TLR8: variants seen among roughly 807,000 people sequenced by gnomAD.
The protein encoded by TLR8 is toll-like receptor 8.
TLR8 carries 5 observed loss-of-function variants against 18.5 expected under a neutral mutation model. The ratio of observed to expected loss-of-function variants is 0.27; its 90% confidence interval spans 0.14 to 0.57. The LOEUF is 0.57. Among genes scored for constraint, TLR8 ranks in the 20% least tolerant of loss-of-function variants. TLR8 has a pLI of 0.92. For missense variants in TLR8, 543 were observed against 769.8 expected, an observed-to-expected ratio of 0.71 and a Z score of 3.49; for synonymous variants, 299 against 300.1, an observed-to-expected ratio of 1.00 and a Z score of 0.04.
chrX:12,912,504 T>A (rs751572253), intron 1 of TLR8, among the ~76,000 whole-genome samples: 11 of 113,564 alleles, frequency 9.7e-5, no homozygotes, highest in Non-Finnish European at 1.5e-4. Flanking sequence ...CCCTGCAAAG[T>A]GAGCATTAGC....
intron 1 of TLR8, chrX:12,910,533 T>C: frequency 1.0e-6 from 1 of 991,147 alleles, no homozygotes; most frequent in South Asian, 2.2e-5. Context: ...TAGTCTCACA[T>C]GGCAGCGTCC....
At position 12,921,828 on chromosome X, in the gene TLR8, G is replaced by A. The variant is rs753352631; in HGVS notation, c.2788G>A (p.Asp930Asn). Reference sequence around the variant, plus strand: ...TTGGGACCCGGGATTGGCCATCATCGACAACCTCATGCAGAGCATCAACCA... The same window carrying A: ...TTGGGACCCGGGATTGGCCATCATCAACAACCTCATGCAGAGCATCAACCA... Reference protein sequence around the residue: ...RDWDPGLAIIDNLMQSINQSK... With the variant: ...RDWDPGLAIINNLMQSINQSK... Residue 930 changes from aspartate (D) to asparagine (N), a missense_variant, in exon 2 of 2, where the codon GAC becomes AAC. Around this residue, in one of 4 missense-constraint regions of TLR8, gnomAD observed 227 missense variants for 312.9 expected, o/e 0.73. Transcript: ENST00000218032. The A allele has an allele frequency of 5.0e-6, 6 of 1,211,644 alleles. No homozygotes were observed. Among genetic ancestry groups the A allele is most frequent in the Non-Finnish European group, 5.6e-6 (5 of 895,416 alleles).
Position 12,919,530 on chromosome X carries a change from G to C in TLR8, c.490G>C (p.Glu164Gln). 1 of 1,206,538 alleles carries C rather than the reference G, an allele frequency of 8.3e-7. No homozygotes were observed. Among genetic ancestry groups the C allele is most frequent in the Non-Finnish European group, 1.1e-6 (1 of 893,786 alleles). The change falls in exon 2 of 2, where the codon GAG (glutamate) becomes CAG (glutamine). Residue 164 changes from glutamate (E) to glutamine (Q), a missense_variant. Physicochemically the swap from Glu to Gln is conservative, Grantham distance 29. Coordinates refer to ENST00000218032, the MANE Select transcript of TLR8 (RefSeq NM_138636.5). ...IQNNIYNITKEGISRLINLKN... is the reference protein window; with the variant it reads ...IQNNIYNITKQGISRLINLKN... ...AAACAATATATACAACATAACTAAA[G>C]AGGGCATTTCAAGACTTATAAACTT...
At chrX:12,907,623 T>A (rs1246767663) in intron 1 of TLR8, among the ~76,000 whole-genome samples, 2 of 111,066 alleles carry the variant, frequency 1.8e-5, no homozygotes, top group Non-Finnish European at 3.8e-5. Flanking sequence ...GCCTCCCGGG[T>A]TCAAGCGATT....
At position 12,920,596 on chromosome X, in the gene TLR8, A is replaced by T. The variant is rs1239428072; in HGVS notation, c.1556A>T (p.Gln519Leu). Reference sequence around the variant, plus strand: ...AATCTGTCTGCAAATAGCAATGCTCAAGTGTTAAGTGGAACTGAATTTTCA... The same window carrying T: ...AATCTGTCTGCAAATAGCAATGCTCTAGTGTTAAGTGGAACTGAATTTTCA... ...CLNLSANSNAQVLSGTEFSAI... is the reference protein window; with the variant it reads ...CLNLSANSNALVLSGTEFSAI... The change falls in exon 2 of 2, where the codon CAA (glutamine) becomes CTA (leucine). Residue 519 changes from glutamine (Q) to leucine (L), a missense_variant. By Grantham distance (113) the Gln-to-Leu change is moderately radical. This residue lies in a region of TLR8 where 185 missense variants were observed against 298.9 expected (regional missense o/e 0.62). Transcript: ENST00000218032. The T allele has an allele frequency of 8.3e-7, 1 of 1,209,222 alleles. No individual in the cohort carries two copies. The highest frequency in any genetic ancestry group is 1.1e-6 in the Non-Finnish European group (1 of 894,725).
intron 1 of TLR8, among the ~76,000 whole-genome samples, chrX:12,911,111 G>A (rs1292095321): frequency 9.0e-6 from 1 of 111,356 alleles, no homozygotes; most frequent in Non-Finnish European, 1.9e-5. Flanking sequence ...CCAGGCAAAG[G>A]CCTTTTTTCT....
intron 1 of TLR8, 137 bp from the exon 2 acceptor site, chrX:12,918,907 T>C: frequency 1.5e-6 from 1 of 687,069 alleles, no homozygotes; most frequent in Non-Finnish European, 2.2e-6. Context: ...CCTAATCTGA[T>C]GCAATTTATT....
intron 1 of TLR8, among the ~76,000 whole-genome samples, chrX:12,909,865 G>GT (rs1344853894): frequency 5.4e-5 from 6 of 111,705 alleles, no homozygotes; most frequent in Non-Finnish European, 1.1e-4. Flanking sequence ...GGGTTTTTTT[G>GT]TTTTTGTTTT....
At chrX:12,915,321 C>A (rs903662959) in intron 1 of TLR8, among the ~76,000 whole-genome samples, 4 of 111,248 alleles carry the variant, frequency 3.6e-5, no homozygotes, top group African/African-American at 1.3e-4. Context: ...AGCCACCATG[C>A]CCCGCTATTT....
chrX:12,916,497 A>G (rs1284649440), intron 1 of TLR8, among the ~76,000 whole-genome samples: 1 of 111,867 alleles, frequency 8.9e-6, no homozygotes, highest in East Asian at 2.8e-4. Flanking sequence ...TGCATGTCTG[A>G]GCCCCGTTGC....
intron 1 of TLR8, among the ~76,000 whole-genome samples, chrX:12,911,014 C>G (rs1377421588): frequency 1.8e-5 from 2 of 108,569 alleles, no homozygotes. Flanking sequence ...TCACTGGGTG[C>G]TCTAAGACAA....
At chrX:12,906,783 T>G in intron 1 of TLR8, 74 bp downstream of exon 1, 1 of 940,024 alleles carries the variant, frequency 1.1e-6, no homozygotes, top group Non-Finnish European at 1.4e-6. Flanking sequence ...TCTGGGTTGG[T>G]GGCAAATGGT....
intron 1 of TLR8, among the ~76,000 whole-genome samples, chrX:12,910,858 T>C (rs1035929080): frequency 8.9e-5 from 10 of 112,191 alleles, no homozygotes; most frequent in African/African-American, 3.2e-4. Flanking sequence ...GGACAAATGA[T>C]GTATGGAAAA....
At chrX:12,911,599 G>A (rs2043021378) in intron 1 of TLR8, among the ~76,000 whole-genome samples, 1 of 111,996 alleles carries the variant, frequency 8.9e-6, no homozygotes, top group Non-Finnish European at 1.9e-5. Flanking sequence ...AGGTACCAGG[G>A]GTTAGAACTT....
intron 1 of TLR8, among the ~76,000 whole-genome samples, chrX:12,907,610 T>C (rs1317448269): frequency 8.9e-6 from 1 of 111,762 alleles, no homozygotes; most frequent in Non-Finnish European, 1.9e-5. Flanking sequence ...CACTGCAACC[T>C]CCGCCTCCCG....
rs140193180 is a variant in TLR8 at position 12,921,428 on chromosome X, C to T, written c.2388C>T (p.Pro796=). 5.0e-6 allele frequency: 6 copies of T among 1,210,370 alleles called. No homozygotes were observed. The African/African-American group carries it at 1.0e-4, about 21-fold the overall frequency. Residue 796 remains proline, a synonymous_variant, in exon 2 of 2, where the codon CCC becomes CCT. Coordinates refer to ENST00000218032, the MANE Select transcript of TLR8 (RefSeq NM_138636.5). ...ATGAACATCTGAATGTCAAAATTCCCAGACTGGTAGATGTCATTTGTGCCA... is the reference window on the plus strand; with the variant it reads ...ATGAACATCTGAATGTCAAAATTCCTAGACTGGTAGATGTCATTTGTGCCA... ...WMDEHLNVKI[P]RLVDVICASP... is the part of the protein sequence containing the mutation.
intron 1 of TLR8, among the ~76,000 whole-genome samples, chrX:12,912,987 C>T (rs1342120727): frequency 8.9e-6 from 1 of 112,033 alleles, no homozygotes; most frequent in Non-Finnish European, 1.9e-5. Context: ...TCCTCTGGAC[C>T]CGCCCAAGTG....
At chrX:12,909,082 C>A (rs1253587294) in intron 1 of TLR8, among the ~76,000 whole-genome samples, 1 of 111,196 alleles carries the variant, frequency 9.0e-6, no homozygotes, top group South Asian at 3.8e-4. Context: ...TTGAGGGGAA[C>A]GTCATTCCAA....
At chrX:12,912,108 ATT>A (rs11360962) in intron 1 of TLR8, among the ~76,000 whole-genome samples, 4,928 of 107,325 alleles carry the variant, frequency 0.046, 281 homozygotes, top group African/African-American at 0.16. Flanking sequence ...GCATAGTGGT[ATT>A]TTTTTTTTCC....
Sources: allele counts gnomAD v4.1 joint callset (sites outside exome capture counted in the v4.1 genomes callset), GRCh38; gene constraint gnomAD v4.1.1; regional missense constraint gnomAD v4.1.1; transcripts MANE v1.5; gene names NCBI Gene and HGNC (gene_info 2026-07-23, HGNC 2026-07-21).